Variants in C13orf46 observed in about 807,000 individuals in gnomAD.
C13orf46 encodes chromosome 13 open reading frame 46, also known as uncharacterized protein C13orf46.
In C13orf46 at chr13:113,955,102, G is replaced by A. The variant is rs908288629; in HGVS notation, c.*1671C>T. On this transcript the variant is annotated 3_prime_UTR_variant, in exon 7 of 7. Transcript: ENST00000636427. ...ATCCAGTGGGGATGAGGAGCAGCTG[G>A]TGGAGAGGAGCAGCAGCTGGTGGAG... The A allele has an allele frequency of 4.3e-6, 1 of 233,838 alleles. No homozygotes were observed. Among genetic ancestry groups the A allele is most frequent in the Non-Finnish European group, 8.3e-6 (1 of 120,988 alleles). 14.5% of individuals were successfully genotyped at this position (233,838 alleles called of 1,614,324 possible).
intron 5 of C13orf46, among the ~76,000 whole-genome samples, chr13:113,965,742 G>T (rs2052631149): frequency 1.4e-5 from 1 of 72,208 alleles, no homozygotes; most frequent in African/African-American, 1.1e-4. Context: ...TGAAGGTGAT[G>T]ATGGTGATGA....
chr13:113,927,750 T>G, the C13orf46 span: 1 of 396,814 alleles, frequency 2.5e-6, no homozygotes, highest in Non-Finnish European at 4.4e-6. Context: ...CGGTGTCACC[T>G]CACTCCTGGC....
intron 6 of C13orf46, among the ~76,000 whole-genome samples, chr13:113,958,089 C>T (rs1165710656): frequency 1.3e-5 from 2 of 150,788 alleles, no homozygotes; most frequent in African/African-American, 4.9e-5. Context: ...TGTATGCACC[C>T]CCTTTCATCA....
chr13:113,945,645 A>AAAG, the C13orf46 span, among the ~76,000 whole-genome samples: 6 of 138,186 alleles, frequency 4.3e-5, no homozygotes, highest in African/African-American at 1.6e-4. Flanking sequence ...AGAAAGAAAG[A>AAAG]AAGAAAGAAA....
At chr13:113,951,963 C>T (rs2052490694), downstream of C13orf46, among the ~76,000 whole-genome samples, 1 of 152,220 alleles carries the variant, frequency 6.6e-6, no homozygotes, top group Non-Finnish European at 1.5e-5. Flanking sequence ...ATGGCACCAT[C>T]TATATGCACA....
At chr13:113,927,911 G>T in the C13orf46 span, 1 of 304,552 alleles carries the variant, frequency 3.3e-6, no homozygotes, top group Non-Finnish European at 6.0e-6. Flanking sequence ...GTGGCCCCAG[G>T]CGACGTGAGG....
the C13orf46 span, among the ~76,000 whole-genome samples, chr13:113,945,669 A>AAAGAAAGAAAGAAAGG: frequency 3.0e-5 from 4 of 131,954 alleles, no homozygotes; most frequent in African/African-American, 1.2e-4. Context: ...AGAAAGAAAG[A>AAAGAAAGAAAGAAAGG]AAGGAAAGAA....
At chr13:113,951,785 G>C (rs1342101627), downstream of C13orf46, among the ~76,000 whole-genome samples, 2 of 152,224 alleles carry the variant, frequency 1.3e-5, no homozygotes, top group African/African-American at 4.8e-5. Context: ...TCCACGTAGA[G>C]ATGTGCTGAA....
At chr13:113,962,820 G>A (rs2052597831) in intron 6 of C13orf46, among the ~76,000 whole-genome samples, 1 of 152,130 alleles carries the variant, frequency 6.6e-6, no homozygotes, top group Admixed American at 6.5e-5. Flanking sequence ...ATCAGGAAAC[G>A]ATGAGAAAAA....
the C13orf46 span, among the ~76,000 whole-genome samples, chr13:113,948,232 A>T: frequency 6.6e-6 from 1 of 152,234 alleles, no homozygotes. Context: ...CCGGTTCAAG[A>T]CCAGGCAAAA....
At chr13:113,967,173 C>G (rs2052658254) in intron 5 of C13orf46, among the ~76,000 whole-genome samples, 168 bp downstream of exon 5, 1 of 152,134 alleles carries the variant, frequency 6.6e-6, no homozygotes, top group Non-Finnish European at 1.5e-5. Flanking sequence ...TCCTCAACAC[C>G]AGGGAGCTCT....
At chr13:113,947,311 T>C in the C13orf46 span, among the ~76,000 whole-genome samples, 1 of 152,174 alleles carries the variant, frequency 6.6e-6, no homozygotes, top group South Asian at 2.1e-4. Flanking sequence ...AGTAAAATAC[T>C]GGCTGCTGCC....
the C13orf46 span, among the ~76,000 whole-genome samples, chr13:113,935,238 CG>C: frequency 1.3e-5 from 2 of 152,226 alleles, no homozygotes; most frequent in Admixed American, 6.5e-5. Flanking sequence ...GGCAGTGACT[CG>C]GCCCCCGGCG....
chr13:113,938,663 C>T, the C13orf46 span, among the ~76,000 whole-genome samples: 1 of 152,186 alleles, frequency 6.6e-6, no homozygotes, highest in East Asian at 1.9e-4. Flanking sequence ...GTTCAGCCTC[C>T]GACGTCTTTG....
chr13:113,972,802 G>A (rs74841821), intron 1 of C13orf46, among the ~76,000 whole-genome samples: 20,203 of 152,222 alleles, frequency 0.13, 1,714 homozygotes, highest in Middle Eastern at 0.2. Flanking sequence ...CAAACGGGGC[G>A]CCTGGCTATG....
At chr13:113,949,286 G>A (rs1031136727), downstream of C13orf46, among the ~76,000 whole-genome samples, 4 of 152,186 alleles carry the variant, frequency 2.6e-5, no homozygotes, top group Non-Finnish European at 5.9e-5. Context: ...ACTTTCCTGA[G>A]CCCTGGGAGG....
intron 6 of C13orf46, among the ~76,000 whole-genome samples, chr13:113,957,732 G>A (rs1433691715): frequency 9.5e-5 from 11 of 116,264 alleles, no homozygotes; most frequent in South Asian, 3.0e-4. Context: ...GGTCTCCCCT[G>A]CACTCTGCCT....
the C13orf46 span, among the ~76,000 whole-genome samples, chr13:113,934,314 T>C: frequency 5.5e-5 from 8 of 145,800 alleles, no homozygotes; most frequent in African/African-American, 1.9e-4. Flanking sequence ...TGACTATACA[T>C]TTTAATTTCT....
At chr13:113,957,759 A>G (rs2052551375) in intron 6 of C13orf46, among the ~76,000 whole-genome samples, 1 of 135,106 alleles carries the variant, frequency 7.4e-6, no homozygotes, top group African/African-American at 2.9e-5. Context: ...CCTTTCATCA[A>G]GCGCACTGGG....
Sources: gnomAD v4.1 joint callset for allele counts (sites outside exome capture counted in the v4.1 genomes callset) on GRCh38, gnomAD v4.1.1 for gene constraint, MANE v1.5 for transcripts, NCBI Gene and HGNC (gene_info 2026-07-23, HGNC 2026-07-21) for gene names.